The following DSG4 variants were observed in gnomAD, a reference collection of about 807,000 sequenced individuals.
DSG4 encodes the protein desmoglein 4.
Under a neutral mutation model 93.1 loss-of-function variants are expected in DSG4, and 87 were observed. The observed-to-expected ratio is 0.93, with a 90% CI of 0.79 to 1.12. The LOEUF is 1.12. Ranked by LOEUF, DSG4 falls within the 50% of genes most tolerant of loss-of-function variation. The pLI is 0.00. For missense variants in DSG4, 1,373 were observed against 1,285.7 expected, an observed-to-expected ratio of 1.07 and a Z score of -1.04; for synonymous variants, 432 against 452.9, an observed-to-expected ratio of 0.95 and a Z score of 0.59.
intron 8 of DSG4, among the ~76,000 whole-genome samples, chr18:31,396,620 T>C (rs1233619722): frequency 6.6e-6 from 1 of 152,128 alleles, no homozygotes; most frequent in African/African-American, 2.4e-5. Flanking sequence ...CTTCGCACAG[T>C]GCTGGGATTA....
chr18:31,409,361 C>T, intron 12 of DSG4, 91 bp from the exon 13 acceptor site: 1 of 1,584,440 alleles, frequency 6.3e-7, no homozygotes. Context: ...TCTAAATATA[C>T]TGCCACCAAA....
intron 3 of DSG4, 116 bp from the exon 4 acceptor site, chr18:31,388,251 T>C (rs2072209472): frequency 5.1e-6 from 6 of 1,175,256 alleles, no homozygotes; most frequent in Non-Finnish European, 7.4e-6. Flanking sequence ...AGTCATGGTG[T>C]CAGGTTTCAA....
At chr18:31,393,274 TA>T (rs2144183568) in intron 8 of DSG4, among the ~76,000 whole-genome samples, 1 of 152,346 alleles carries the variant, frequency 6.6e-6, no homozygotes, top group East Asian at 1.9e-4. Flanking sequence ...TCAGTTCTGT[TA>T]CTATTTTTCT....
chr18:31,405,949 C>T (rs2072419427), intron 11 of DSG4, 128 bp from the exon 12 acceptor site: 1 of 934,250 alleles, frequency 1.1e-6, no homozygotes, highest in African/African-American at 1.6e-5. Context: ...GTACAAGGTG[C>T]TTTATGACTA....
At chr18:31,383,114 C>T (rs943906195) in intron 1 of DSG4, among the ~76,000 whole-genome samples, 1 of 152,152 alleles carries the variant, frequency 6.6e-6, no homozygotes, top group South Asian at 2.1e-4. Context: ...CAGAAGAAAA[C>T]GCTTCTTTCT....
chr18:31,388,904 G>T lies in DSG4; in HGVS notation c.403G>T (p.Glu135Ter). ...IYCRALNSRG[E>*]DLERPLELRV... ...TTGCCGGGCTCTGAATTCACGGGGT[G>T]AAGATTTAGAAAGGCCTCTTGAGCT... Residue 135 changes from glutamate (E) to a stop codon, truncating the protein, a stop_gained, in exon 5 of 16, where the codon GAA (glutamate) becomes TAA (stop). Transcript: ENST00000308128. LOFTEE classifies it high-confidence loss of function. 1 of 1,613,646 alleles carries T rather than the reference G, an allele frequency of 6.2e-7. No homozygotes were observed. The highest frequency in any genetic ancestry group is 8.5e-7 in the Non-Finnish European group (1 of 1,179,666).
At chr18:31,399,164 T>C in intron 8 of DSG4, 108 bp from the exon 9 acceptor site, 1 of 1,408,504 alleles carries the variant, frequency 7.1e-7, no homozygotes, top group South Asian at 1.3e-5. Context: ...CTAAACAGCG[T>C]ATCTCCTGGA....
At chr18:31,386,064 C>A (rs1234373409) in intron 2 of DSG4, among the ~76,000 whole-genome samples, 1 of 152,052 alleles carries the variant, frequency 6.6e-6, no homozygotes, top group Non-Finnish European at 1.5e-5. Context: ...ATATAGCAAG[C>A]ACAGATACAA....
chr18:31,406,436 G>C (rs146548318), intron 12 of DSG4, 63 bp downstream of exon 12: 29 of 1,599,412 alleles, frequency 1.8e-5, no homozygotes, highest in African/African-American at 2.7e-5. Context: ...TACGAGGCTC[G>C]CTGGGATGGT....
intron 14 of DSG4, among the ~76,000 whole-genome samples, chr18:31,410,487 A>T (rs1304778714): frequency 1.4e-5 from 2 of 138,990 alleles, no homozygotes; most frequent in Non-Finnish European, 2.9e-5. Context: ...AGTGCCTGGC[A>T]CTGTAGTAAT....
At position 31,409,525 on chromosome 18, in the gene DSG4, T is replaced by G. The variant is rs766102419; in HGVS notation, c.2007T>G (p.Pro669=). Residue 669 remains proline (P), a synonymous_variant, in exon 13 of 16, where the codon CCT becomes CCG. Coordinates refer to ENST00000308128, the MANE Select transcript of DSG4 (RefSeq NM_177986.5). The part of the protein sequence containing the change: ...QPEGLGTRFA[P]VPEGGEGVMQ... ...AAGGCCTGGGAACAAGATTTGCTCC[T>G]GTGCCTGAGGGCGGAGAAGGAGTGA... 4 of 1,614,192 alleles carry G rather than the reference T, an allele frequency of 2.5e-6. No individual in the cohort carries two copies. The South Asian group carries it at 4.4e-5, about 18-fold the overall frequency.
At chr18:31,395,271 T>TAAA (rs10708419) in intron 8 of DSG4, among the ~76,000 whole-genome samples, 88 of 130,186 alleles carry the variant, frequency 6.8e-4, no homozygotes, top group Admixed American at 2.0e-3. Context: ...ACTTAATTGC[T>TAAA]AAAAAAAAAA....
chr18:31,397,615 A>G (rs2072319351), intron 8 of DSG4, among the ~76,000 whole-genome samples: 1 of 152,140 alleles, frequency 6.6e-6, no homozygotes, highest in African/African-American at 2.4e-5. Flanking sequence ...CTTTAGACAC[A>G]TGTTGGTATA....
In DSG4 at chr18:31,406,213, C is replaced by G; in HGVS notation, c.1773C>G (p.Asp591Glu). ...AGTTATATGCCTGTGATTGCGATGA[C>G]AACCACATGTGCCTGGACTCTGGTG... Reference protein sequence around the residue: ...MVQLYACDCDDNHMCLDSGAA... With the variant: ...MVQLYACDCDENHMCLDSGAA... The change falls in exon 12 of 16, where the codon GAC (aspartate) becomes GAG (glutamate). Residue 591 changes from aspartate (D) to glutamate (E), a missense_variant. By Grantham distance (45) the Asp-to-Glu change is conservative. Transcript: ENST00000308128. 6.2e-7 allele frequency: 1 copy of G among 1,614,174 alleles called. No homozygotes were observed. The highest frequency in any genetic ancestry group is 8.5e-7 in the Non-Finnish European group (1 of 1,180,044).
intron 1 of DSG4, among the ~76,000 whole-genome samples, chr18:31,380,575 C>T (rs1047965070): frequency 2.0e-5 from 3 of 152,092 alleles, no homozygotes; most frequent in African/African-American, 7.2e-5. Context: ...AACTAAGATG[C>T]CATTATTGAT....
intron 4 of DSG4, 104 bp from the exon 5 acceptor site, chr18:31,388,770 T>G (rs1473982402): frequency 6.4e-7 from 1 of 1,552,436 alleles, no homozygotes; most frequent in Admixed American, 1.7e-5. Flanking sequence ...CAGTCTGAAT[T>G]CACTGGAAAA....
intron 1 of DSG4, among the ~76,000 whole-genome samples, chr18:31,383,392 G>A (rs980416263): frequency 6.6e-6 from 1 of 152,086 alleles, no homozygotes; most frequent in African/African-American, 2.4e-5. Flanking sequence ...CGGCTTAATT[G>A]TTCCTATAAG....
At chr18:31,402,778 A>G (rs2144202439) in intron 10 of DSG4, among the ~76,000 whole-genome samples, 1 of 152,322 alleles carries the variant, frequency 6.6e-6, no homozygotes, top group South Asian at 2.1e-4. Flanking sequence ...CTGGACTCCT[A>G]ATCTTTAGTC....
intron 8 of DSG4, among the ~76,000 whole-genome samples, chr18:31,395,798 C>T (rs957113540): frequency 1.3e-5 from 2 of 152,040 alleles, no homozygotes; most frequent in African/African-American, 2.4e-5. Context: ...TCCAGGAGTT[C>T]GAGACCAGCC....
Sources: gnomAD v4.1 joint callset for allele counts (sites outside exome capture counted in the v4.1 genomes callset) on GRCh38, gnomAD v4.1.1 for gene constraint, MANE v1.5 for transcripts, NCBI Gene and HGNC (gene_info 2026-07-23, HGNC 2026-07-21) for gene names.